The following LTF variants were observed in gnomAD, a reference collection of about 807,000 sequenced individuals.
The protein encoded by LTF is lactotransferrin.
In LTF, 91 loss-of-function variants were observed where a neutral mutation model predicts 87.2. The observed-to-expected ratio is 1.04, with a 90% CI of 0.88 to 1.24. The LOEUF (loss-of-function observed/expected upper bound fraction) is 1.24, where lower values mean the gene tolerates loss of function less well. Among genes scored for constraint, LTF ranks in the 50% most tolerant of loss-of-function variants. The pLI is 0.00. For missense variants in LTF, 901 were observed against 904.3 expected, an observed-to-expected ratio of 1.00 and a Z score of 0.05; for synonymous variants, 378 against 356.1, an observed-to-expected ratio of 1.06 and a Z score of -0.69.
At chr3:46,464,796 G>A in intron 1 of LTF, 29 bp downstream of exon 1, 1 of 1,613,274 alleles carries the variant, frequency 6.2e-7, no homozygotes, top group Admixed American at 1.7e-5. Context: ...CCCATCAGGC[G>A]GCTCGCGCCC....
upstream of LTF, among the ~76,000 whole-genome samples, chr3:46,465,921 G>C (rs1703202691): frequency 6.6e-6 from 1 of 152,170 alleles, no homozygotes; most frequent in South Asian, 2.1e-4. Context: ...AGAATATCCT[G>C]TGTGTATGGA....
intron 1 of LTF, among the ~76,000 whole-genome samples, chr3:46,472,616 G>A (rs1265570803): frequency 1.3e-5 from 2 of 149,488 alleles, no homozygotes; most frequent in African/African-American, 4.9e-5. Context: ...CAGCAGCCTC[G>A]AACTCCCAGG....
Position 46,449,957 on chromosome 3 carries a change from C to T in LTF, c.954G>A (p.Leu318=), listed in dbSNP as rs758611457. The T allele has an allele frequency of 1.9e-6, 3 of 1,614,074 alleles. No individual in the cohort carries two copies. The highest frequency in any genetic ancestry group is 1.7e-6 in the Non-Finnish European group (2 of 1,180,034). The change falls in exon 8 of 17, where the codon CTG becomes CTA. Residue 318 remains leucine, a synonymous_variant. Transcript: ENST00000231751. ...AAAACCCAATGGCAGAGTCCTTGAA[C>T]AGCAGATCTTTCTGCCCACTAGGGG... ...FGSPSGQKDL[L]FKDSAIGFSR...
chr3:46,447,273 G>A (rs1183328355), intron 10 of LTF, 35 bp downstream of exon 10: 1 of 1,532,746 alleles, frequency 6.5e-7, no homozygotes, highest in Admixed American at 1.7e-5. Context: ...CCATGACCCA[G>A]AGGGAATATA....
intron 2 of LTF, 74 bp downstream of exon 2, chr3:46,459,582 C>T (rs1323774197): frequency 1.5e-6 from 2 of 1,321,266 alleles, no homozygotes; most frequent in East Asian, 5.6e-5. Flanking sequence ...AAGGAGAGCT[C>T]GTGTTCTATC....
intron 14 of LTF, among the ~76,000 whole-genome samples, chr3:46,440,109 T>C (rs1435174278): frequency 1.3e-5 from 2 of 152,216 alleles, no homozygotes; most frequent in Non-Finnish European, 2.9e-5. Flanking sequence ...GCTGCACAAC[T>C]CTGTGAATGT....
intron 16 of LTF, 132 bp downstream of exon 16, chr3:46,437,808 T>C: frequency 2.9e-6 from 2 of 700,872 alleles, no homozygotes; most frequent in South Asian, 3.6e-5. Context: ...TATAATTTCC[T>C]GAACTGTAAA....
upstream of LTF, chr3:46,464,926 G>T: frequency 3.2e-6 from 5 of 1,562,790 alleles, no homozygotes; most frequent in South Asian, 1.1e-5. Flanking sequence ...CCTGCCCTGC[G>T]CCCCTTTATT....
At chr3:46,448,674 G>T (rs933153388) in intron 9 of LTF, among the ~76,000 whole-genome samples, 189 bp downstream of exon 9, 1 of 152,190 alleles carries the variant, frequency 6.6e-6, no homozygotes, top group African/African-American at 2.4e-5. Flanking sequence ...AACCAGAGGA[G>T]TGGGAAACCC....
In LTF at chr3:46,438,097, C is replaced by A. The variant is rs574575140; in HGVS notation, c.1941G>T (p.Pro647=). The A allele has an allele frequency of 1.1e-5, 18 of 1,613,722 alleles. No homozygotes were observed. The highest frequency in any genetic ancestry group is 1.5e-5 in the Non-Finnish European group (18 of 1,179,850). ...AKFGRNGSDC[P]DKFCLFQSET... is the part of the protein sequence containing the mutation. Reference sequence around the variant, plus strand: ...CAGACTGGAATAAGCAAAACTTGTCCGGGCAGTCAGATCCATTTCTCCCAA... The same window carrying A: ...CAGACTGGAATAAGCAAAACTTGTCAGGGCAGTCAGATCCATTTCTCCCAA... Residue 647 remains proline (P), a synonymous_variant, in exon 16 of 17, where the codon CCG becomes CCT. Transcript: ENST00000231751.
chr3:46,450,693 G>C lies in LTF; in HGVS notation c.704-20C>G, dbSNP rs368278875. 15 of 1,600,288 alleles carry C rather than the reference G, an allele frequency of 9.4e-6. No individual in the cohort carries two copies. In the African/African-American group the frequency reaches 2.0e-4, roughly 21 times the overall value. On this transcript the variant is annotated intron_variant, in intron 6 of 16. Coordinates refer to ENST00000231751, the MANE Select transcript of LTF (RefSeq NM_002343.6). ...GGTCCTCTGCAGGGAAGGTGAGGTG[G>C]GAGGGAGTCTAGATAAGCCGACTCC... is the stretch of plus-strand genomic sequence containing the variant.
At position 46,436,308 on chromosome 3, in the gene LTF, A is replaced by C. The variant is rs932794857; in HGVS notation, c.2099-79T>G. 4.6e-5 allele frequency: 60 copies of C among 1,310,496 alleles called. 1 individual carries two copies. The highest frequency in any genetic ancestry group is 6.5e-5 in the Non-Finnish European group (59 of 904,232). The allele number at this position is 1,310,496 out of a possible 1,614,324, so 81.2% of individuals were successfully genotyped here. On this transcript the variant is annotated intron_variant, in intron 16 of 16. Transcript: ENST00000231751. ...AGTTATTTAATCCAATAAATCAAAG[A>C]GAATACTAAGAGTTTTCTCTGCCCT...
At chr3:46,471,334 A>G (rs1703283439) in intron 1 of LTF, among the ~76,000 whole-genome samples, 1 of 151,576 alleles carries the variant, frequency 6.6e-6, no homozygotes, top group Non-Finnish European at 1.5e-5. Flanking sequence ...CTCTGTCTCT[A>G]TTTCCCTCTC....
At chr3:46,459,888 T>C in intron 1 of LTF, 69 bp from the exon 2 acceptor site, 8 of 1,222,748 alleles carry the variant, frequency 6.5e-6, no homozygotes, top group South Asian at 5.9e-5. Context: ...CACCCTCTGA[T>C]GGAGTTTTCC....
chr3:46,447,042 T>G (rs1175040327), intron 10 of LTF, among the ~76,000 whole-genome samples: 4 of 152,058 alleles, frequency 2.6e-5, no homozygotes, highest in African/African-American at 9.7e-5. Flanking sequence ...AGTTGTACAT[T>G]TATGTGCACT....
chr3:46,482,666 AG>A (rs1356175017), intron 1 of LTF, among the ~76,000 whole-genome samples: 1 of 81,202 alleles, frequency 1.2e-5, no homozygotes, highest in Non-Finnish European at 2.7e-5. Context: ...GAAAGAAGGA[AG>A]GAAGGAAGGA....
intron 1 of LTF, chr3:46,463,755 C>T: frequency 3.7e-6 from 2 of 539,564 alleles, no homozygotes; most frequent in Non-Finnish European, 4.7e-6. Context: ...TGCAACAGGC[C>T]ACTCGCCAGG....
chr3:46,441,339 G>A, intron 14 of LTF, 77 bp downstream of exon 14: 2 of 1,202,478 alleles, frequency 1.7e-6, no homozygotes, highest in Non-Finnish European at 2.4e-6. Context: ...CCTTCCCAAA[G>A]GCAAATCTGA....
chr3:46,472,394 C>G (rs1703302596), intron 1 of LTF, among the ~76,000 whole-genome samples: 1 of 151,666 alleles, frequency 6.6e-6, no homozygotes, highest in Non-Finnish European at 1.5e-5. Context: ...GCAAGATGCC[C>G]CTTTTTCGTG....
Sources: allele counts gnomAD v4.1 joint callset (sites outside exome capture counted in the v4.1 genomes callset), GRCh38; gene constraint gnomAD v4.1.1; transcripts MANE v1.5; gene names NCBI Gene and HGNC (gene_info 2026-07-23, HGNC 2026-07-21).